XKR9: variants seen among roughly 807,000 people sequenced by gnomAD.
XKR9 encodes XK-related protein 9.
In XKR9, 32 loss-of-function variants were observed where a neutral mutation model predicts 32.0. The ratio of observed to expected loss-of-function variants is 1.00; its 90% CI spans 0.76 to 1.34. The LOEUF (loss-of-function observed/expected upper bound fraction) is 1.34. Ranked by LOEUF, XKR9 falls within the 40% of genes most tolerant of loss-of-function variation. The pLI is 0.00. For synonymous variants in XKR9, 168 were observed against 143.4 expected (o/e 1.17, Z -1.22); for missense variants, 546 against 429.7 (o/e 1.27, Z -2.39).
intron 3 of XKR9, among the ~76,000 whole-genome samples, chr8:70,701,426 G>A (rs948780476): frequency 9.2e-5 from 14 of 152,052 alleles, no homozygotes; most frequent in African/African-American, 2.7e-4. Flanking sequence ...TGTTTCATTC[G>A]AAGATGTTGT....
chr8:70,940,615 C>A, the XKR9 span, among the ~76,000 whole-genome samples: 1 of 152,064 alleles, frequency 6.6e-6, no homozygotes, highest in Non-Finnish European at 1.5e-5. Flanking sequence ...CACTGTGCCT[C>A]TTTTGCCTCT....
chr8:70,918,892 C>G, the XKR9 span, among the ~76,000 whole-genome samples: 2 of 147,286 alleles, frequency 1.4e-5, no homozygotes, highest in East Asian at 2.0e-4. Flanking sequence ...ATTCTCTTGC[C>G]TCAGCCTCCT....
At chr8:70,972,425 C>T in the XKR9 span, among the ~76,000 whole-genome samples, 1 of 152,132 alleles carries the variant, frequency 6.6e-6, no homozygotes, top group Non-Finnish European at 1.5e-5. Flanking sequence ...GATGGTTTGA[C>T]TTCCTATTTA....
chr8:71,032,961 G>C, the XKR9 span, among the ~76,000 whole-genome samples: 1 of 151,964 alleles, frequency 6.6e-6, no homozygotes, highest in African/African-American at 2.4e-5. Context: ...GTGGGCACCT[G>C]TAATCCCAGC....
intron 3 of XKR9, among the ~76,000 whole-genome samples, chr8:70,685,358 G>C (rs1223239576): frequency 1.1e-5 from 1 of 93,830 alleles, no homozygotes; most frequent in East Asian, 4.9e-4. Flanking sequence ...GGTGGGGGGA[G>C]GGGGGAGGGA....
chr8:70,770,515 C>A (rs1041586570), intron 2 of XKR9, among the ~76,000 whole-genome samples: 4 of 152,198 alleles, frequency 2.6e-5, no homozygotes, highest in African/African-American at 9.6e-5. Flanking sequence ...GCACCCACAG[C>A]CGCATCTTCC....
chr8:70,996,393 T>A, the XKR9 span, among the ~76,000 whole-genome samples: 2 of 152,226 alleles, frequency 1.3e-5, no homozygotes, highest in African/African-American at 4.8e-5. Flanking sequence ...GTTTCAGGTG[T>A]GAAATGAAAT....
the XKR9 span, among the ~76,000 whole-genome samples, chr8:70,967,158 G>C: frequency 2.5e-3 from 371 of 148,970 alleles, no homozygotes; most frequent in African/African-American, 8.9e-3. Flanking sequence ...CACCTCCTGG[G>C]TTCACGCCAT....
At chr8:71,021,435 A>G in the XKR9 span, among the ~76,000 whole-genome samples, 83 of 151,052 alleles carry the variant, frequency 5.5e-4, no homozygotes, top group Middle Eastern at 3.4e-3. Context: ...CCTTTGTTGG[A>G]TACAGAGTTT....
intron 2 of XKR9, among the ~76,000 whole-genome samples, chr8:70,676,019 G>A (rs766223057): frequency 6.6e-6 from 1 of 152,100 alleles, no homozygotes; most frequent in Non-Finnish European, 1.5e-5. Flanking sequence ...CCTGAGACTG[G>A]GTAATTTATA....
At chr8:71,004,775 C>G in the XKR9 span, among the ~76,000 whole-genome samples, 1 of 152,122 alleles carries the variant, frequency 6.6e-6, no homozygotes, top group African/African-American at 2.4e-5. Context: ...TAAATACTTA[C>G]TGGGTGGGGA....
At chr8:70,780,833 C>T (rs912943801) in intron 2 of XKR9, 3 of 152,036 alleles carry the variant, frequency 2.0e-5, no homozygotes, top group Non-Finnish European at 2.9e-5. Flanking sequence ...ATTATAGTCC[C>T]ATCAGCAATG....
chr8:71,003,072 A>G, the XKR9 span, among the ~76,000 whole-genome samples: 3 of 152,180 alleles, frequency 2.0e-5, no homozygotes, highest in East Asian at 1.9e-4. Flanking sequence ...ATCACACTGA[A>G]CTTCTGTCTG....
At chr8:70,778,407 T>A (rs1215252800) in intron 2 of XKR9, among the ~76,000 whole-genome samples, 1 of 152,228 alleles carries the variant, frequency 6.6e-6, no homozygotes, top group Admixed American at 6.5e-5. Context: ...TTCTTTTTGC[T>A]TAGGATTGTC....
At chr8:70,675,247 G>A (rs774813761) in intron 2 of XKR9, among the ~76,000 whole-genome samples, 34 of 152,216 alleles carry the variant, frequency 2.2e-4, no homozygotes, top group South Asian at 8.3e-4. Flanking sequence ...CCAATATGGC[G>A]AAACCCCGTC....
chr8:70,867,402 C>T, the XKR9 span, among the ~76,000 whole-genome samples: 3 of 152,168 alleles, frequency 2.0e-5, no homozygotes, highest in African/African-American at 7.2e-5. Context: ...CATGGCCACA[C>T]ATTTCAAAAC....
the XKR9 span, among the ~76,000 whole-genome samples, chr8:70,933,541 ATGAAGGC>A: frequency 6.6e-6 from 1 of 152,084 alleles, no homozygotes; most frequent in Non-Finnish European, 1.5e-5. Flanking sequence ...GTAGTAAAGA[ATGAAGGC>A]TGCCAGGGAA....
the XKR9 span, among the ~76,000 whole-genome samples, chr8:70,847,963 T>C: frequency 6.6e-6 from 1 of 152,116 alleles, no homozygotes; most frequent in Non-Finnish European, 1.5e-5. Context: ...TCTAACTTAT[T>C]CTACAAGGCC....
At chr8:71,042,300 A>C in the XKR9 span, among the ~76,000 whole-genome samples, 2 of 152,128 alleles carry the variant, frequency 1.3e-5, no homozygotes, top group Non-Finnish European at 2.9e-5. Context: ...AAAGCATAAG[A>C]GAAGGAACAG....
Sources: allele counts gnomAD v4.1 joint callset (sites outside exome capture counted in the v4.1 genomes callset), GRCh38; gene constraint gnomAD v4.1.1; transcripts MANE v1.5; gene names NCBI Gene and HGNC (gene_info 2026-07-23, HGNC 2026-07-21).